NRXN1: variants seen among roughly 807,000 people sequenced by gnomAD.
NRXN1 encodes neurexin-1.
NRXN1 carries 39 observed loss-of-function variants against 150.9 expected under a neutral mutation model. That is an observed-to-expected ratio of 0.26 (90% CI 0.20 to 0.34). NRXN1 has a LOEUF of 0.34. NRXN1 is among the 10% of genes least tolerant of loss of function. The pLI is 1.00. For missense variants in NRXN1, 1,815 were observed against 1,949.9 expected, an observed-to-expected ratio of 0.93 and a Z score of 1.30; for synonymous variants, 924 against 757.0, an observed-to-expected ratio of 1.22 and a Z score of -3.62.
chr2:50,245,685 G>A (rs1559161964), intron 17 of NRXN1, among the ~76,000 whole-genome samples: 1 of 151,712 alleles, frequency 6.6e-6, no homozygotes. Flanking sequence ...TGTGAAAATG[G>A]CTTTCATTAG....
intron 5 of NRXN1, among the ~76,000 whole-genome samples, chr2:50,887,315 C>G (rs1323023040): frequency 1.3e-5 from 2 of 151,428 alleles, no homozygotes; most frequent in Non-Finnish European, 3.0e-5. Flanking sequence ...AAAAACTAAG[C>G]AGCTAAATAT....
At chr2:50,572,757 A>T (rs1670847104) in intron 8 of NRXN1, among the ~76,000 whole-genome samples, 1 of 152,226 alleles carries the variant, frequency 6.6e-6, no homozygotes, top group Non-Finnish European at 1.5e-5. Context: ...ATTAGAAGTT[A>T]ATAAAACTTA....
intron 2 of NRXN1, among the ~76,000 whole-genome samples, chr2:50,983,058 C>T (rs1697098910): frequency 2.0e-5 from 3 of 151,984 alleles, no homozygotes; most frequent in Admixed American, 2.0e-4. Flanking sequence ...ATTACTAAAG[C>T]CATCTTTACC....
chr2:50,447,422 G>T (rs2086515835), intron 17 of NRXN1, among the ~76,000 whole-genome samples: 1 of 134,342 alleles, frequency 7.4e-6, no homozygotes, highest in African/African-American at 2.9e-5. Flanking sequence ...AGAGGTTGCA[G>T]TGAGCTCAGA....
chr2:50,607,389 G>C (rs1677306777), intron 8 of NRXN1, among the ~76,000 whole-genome samples: 1 of 152,052 alleles, frequency 6.6e-6, no homozygotes, highest in African/African-American at 2.4e-5. Context: ...GTGCCTCTAA[G>C]GGACTCTTTA....
intron 8 of NRXN1, among the ~76,000 whole-genome samples, chr2:50,575,317 C>T (rs1258506294): frequency 6.6e-6 from 1 of 152,160 alleles, no homozygotes; most frequent in East Asian, 1.9e-4. Context: ...GCAATCAGCC[C>T]TGAAATTCAG....
At chr2:50,982,315 T>C (rs1217397900) in intron 2 of NRXN1, among the ~76,000 whole-genome samples, 1 of 152,128 alleles carries the variant, frequency 6.6e-6, no homozygotes, top group African/African-American at 2.4e-5. Context: ...GCAACTCTTT[T>C]ACTCTTAGTT....
At chr2:50,626,447 G>A (rs1233090133) in intron 5 of NRXN1, among the ~76,000 whole-genome samples, 9 of 151,784 alleles carry the variant, frequency 5.9e-5, no homozygotes, top group Non-Finnish European at 1.3e-4. Flanking sequence ...GGAGAATAAC[G>A]ATAATCAAAC....
At chr2:50,927,128 G>C (rs1028457944) in intron 2 of NRXN1, among the ~76,000 whole-genome samples, 4 of 151,904 alleles carry the variant, frequency 2.6e-5, no homozygotes, top group East Asian at 1.9e-4. Flanking sequence ...CTCATCATCT[G>C]ATCAGAGGTG....
At chr2:49,931,181 C>T (rs113718579) in intron 22 of NRXN1, among the ~76,000 whole-genome samples, 23 of 152,308 alleles carry the variant, frequency 1.5e-4, no homozygotes, top group African/African-American at 5.3e-4. Flanking sequence ...GGGGGTTGAA[C>T]ACTGACATTA....
At chr2:50,699,334 C>T (rs1258411177) in intron 5 of NRXN1, among the ~76,000 whole-genome samples, 4 of 152,160 alleles carry the variant, frequency 2.6e-5, no homozygotes, top group Non-Finnish European at 2.9e-5. Flanking sequence ...ATTTCCAGAT[C>T]CTGTGAATAT....
At chr2:49,968,811 G>C (rs1170770576) in intron 21 of NRXN1, among the ~76,000 whole-genome samples, 1 of 151,988 alleles carries the variant, frequency 6.6e-6, no homozygotes, top group Non-Finnish European at 1.5e-5. Flanking sequence ...ATGCTATAGG[G>C]TAAAATAGTT....
At chr2:50,184,964 C>T (rs756279635) in intron 18 of NRXN1, among the ~76,000 whole-genome samples, 6 of 152,080 alleles carry the variant, frequency 3.9e-5, no homozygotes, top group Admixed American at 6.6e-5. Context: ...TCCTCTTTAG[C>T]GCCACGTAGG....
intron 5 of NRXN1, among the ~76,000 whole-genome samples, chr2:50,906,529 T>C (rs1406882998): frequency 6.6e-6 from 1 of 152,118 alleles, no homozygotes; most frequent in African/African-American, 2.4e-5. Context: ...GACTAAATAA[T>C]TGTTGCTATG....
At chr2:50,011,672 G>C (rs1453005669) in intron 21 of NRXN1, among the ~76,000 whole-genome samples, 1 of 152,002 alleles carries the variant, frequency 6.6e-6, no homozygotes. Context: ...AAAACATTGA[G>C]ATCTCTAGGT....
At chr2:50,111,498 G>A (rs1702371566) in intron 18 of NRXN1, among the ~76,000 whole-genome samples, 2 of 152,002 alleles carry the variant, frequency 1.3e-5, no homozygotes, top group African/African-American at 4.8e-5. Context: ...AATTAGCAGG[G>A]CCTGGTGGTA....
At chr2:50,385,337 G>A (rs1425852675) in intron 17 of NRXN1, among the ~76,000 whole-genome samples, 1 of 152,172 alleles carries the variant, frequency 6.6e-6, no homozygotes, top group East Asian at 1.9e-4. Flanking sequence ...TCTCTCTGCA[G>A]TATTAAATCT....
At chr2:50,625,554 C>T (rs776531552) in intron 5 of NRXN1, among the ~76,000 whole-genome samples, 15 of 152,028 alleles carry the variant, frequency 9.9e-5, no homozygotes, top group African/African-American at 3.4e-4. Context: ...GGACTTAATT[C>T]CTGTCTCGGA....
chr2:50,274,563 T>C (rs571663058), intron 17 of NRXN1, among the ~76,000 whole-genome samples: 1 of 151,822 alleles, frequency 6.6e-6, no homozygotes, highest in Non-Finnish European at 1.5e-5. Context: ...AGAGTATAAT[T>C]TAAAAAAAGA....
Sources: gnomAD v4.1 joint callset for allele counts (sites outside exome capture counted in the v4.1 genomes callset) on GRCh38, gnomAD v4.1.1 for gene constraint, MANE v1.5 for transcripts, NCBI Gene and HGNC (gene_info 2026-07-23, HGNC 2026-07-21) for gene names.